The following ZNF43 variants were observed in gnomAD, a reference collection of about 807,000 sequenced individuals.
ZNF43 encodes the protein zinc finger protein 39-like 1 (KOX 27).
A neutral mutation model predicts 68.4 loss-of-function variants in ZNF43; 44 were observed. That is an observed-to-expected ratio of 0.64 (90% CI 0.51 to 0.83). ZNF43 has a LOEUF of 0.83. Among genes scored for constraint, ZNF43 ranks in the 40% least tolerant of loss-of-function variants. The probability of loss-of-function intolerance (pLI) is 0.00; values close to 1 mark genes in which losing one functional copy is unlikely to be tolerated. For synonymous variants in ZNF43, 308 were observed against 307.8 expected, an observed-to-expected ratio of 1.00 and a Z score of -0.01; for missense variants, 896 against 933.2, an observed-to-expected ratio of 0.96 and a Z score of 0.52.
intron 3 of ZNF43, among the ~76,000 whole-genome samples, chr19:21,810,264 G>T (rs2145169331): frequency 6.6e-6 from 1 of 152,316 alleles, no homozygotes; most frequent in Admixed American, 6.5e-5. Flanking sequence ...AGGGTCTCAG[G>T]AAGCTTACTG....
At chr19:21,827,255 T>A (rs1314267728) in intron 1 of ZNF43, 3 of 152,146 alleles carry the variant, frequency 2.0e-5, no homozygotes, top group African/African-American at 4.8e-5. Context: ...TTGGAATACA[T>A]CTCACAATTT....
chr19:21,811,007 C>T lies in ZNF43; in HGVS notation c.230-1200G>A, dbSNP rs1451747361. Among the ~76,000 whole-genome samples the T allele has an allele frequency of 4.6e-5, 7 of 152,132 alleles. No homozygotes were observed. In the East Asian group the frequency reaches 5.8e-4, roughly 13 times the overall value. ...GACCAAAATTATACACTGTGTTTTTCGACCAAAATTGCATAAAACTAGGAA... is the reference window on the plus strand; with the variant it reads ...GACCAAAATTATACACTGTGTTTTTTGACCAAAATTGCATAAAACTAGGAA... On this transcript the variant is annotated intron_variant, in intron 3 of 3. Coordinates refer to ENST00000354959, the MANE Select transcript of ZNF43 (RefSeq NM_003423.4).
At chr19:21,815,490 T>C (rs1202671298) in intron 3 of ZNF43, among the ~76,000 whole-genome samples, 1 of 146,298 alleles carries the variant, frequency 6.8e-6, no homozygotes, top group Non-Finnish European at 1.5e-5. Context: ...AAATTACATA[T>C]ATATATATAT....
intron 3 of ZNF43, among the ~76,000 whole-genome samples, chr19:21,814,370 C>CAT (rs2037419577): frequency 1.3e-5 from 2 of 150,548 alleles, no homozygotes; most frequent in South Asian, 4.2e-4. Context: ...CACACACACA[C>CAT]ATATATAATA....
chr19:21,824,632 ACCTGG>A (rs2038017951), intron 1 of ZNF43, among the ~76,000 whole-genome samples: 2 of 151,996 alleles, frequency 1.3e-5, no homozygotes, highest in Non-Finnish European at 2.9e-5. Flanking sequence ...TGTTGGATCA[ACCTGG>A]CTCTGCATTC....
rs1315828938 is a variant in ZNF43 at position 21,851,778 on chromosome 19, C to A, written c.30+127G>T. 1.7e-5 allele frequency: 17 copies of A among 1,023,454 alleles called. No homozygotes were observed. In the Admixed American group the frequency reaches 2.5e-4, roughly 15 times the overall value. 63.4% of individuals were successfully genotyped at this position (1,023,454 alleles called of 1,614,324 possible). On this transcript the variant is annotated intron_variant, in intron 1 of 3. Transcript: ENST00000357491. ...GGCTGCGGGCCCAGCCGCCATCTTG[C>A]GGCCAGAGGGGCCTGGGGCGGAGCT... is the stretch of plus-strand genomic sequence containing the variant.
chr19:21,824,299 T>C (rs557996931), intron 1 of ZNF43, among the ~76,000 whole-genome samples: 1 of 152,266 alleles, frequency 6.6e-6, no homozygotes, highest in South Asian at 2.1e-4. Context: ...AGTATCGTAT[T>C]TTATGGGTAG....
chr19:21,835,914 G>T, intron 1 of ZNF43, 122 bp downstream of exon 1: 1 of 1,530,590 alleles, frequency 6.5e-7, no homozygotes, highest in Non-Finnish European at 9.0e-7. Flanking sequence ...TATGGCTGAA[G>T]GGGATTGAGG....
intron 1 of ZNF43, among the ~76,000 whole-genome samples, chr19:21,834,308 A>C (rs920156728): frequency 6.7e-6 from 1 of 149,304 alleles, no homozygotes; most frequent in Non-Finnish European, 1.5e-5. Context: ...ACTGCACTCC[A>C]GACTGGGCAG....
intron 1 of ZNF43, among the ~76,000 whole-genome samples, chr19:21,845,029 C>T (rs552147531): frequency 6.8e-6 from 1 of 146,822 alleles, no homozygotes; most frequent in Admixed American, 6.9e-5. Flanking sequence ...AGATATGTCA[C>T]AATCTTTTTT....
intron 1 of ZNF43, among the ~76,000 whole-genome samples, chr19:21,819,677 G>A (rs2037704186): frequency 6.6e-6 from 1 of 152,138 alleles, no homozygotes; most frequent in Admixed American, 6.5e-5. Flanking sequence ...GAGTTTCTAA[G>A]TTTCTAACAA....
At chr19:21,829,729 G>A (rs903364453) in intron 1 of ZNF43, among the ~76,000 whole-genome samples, 2 of 152,114 alleles carry the variant, frequency 1.3e-5, no homozygotes, top group African/African-American at 4.8e-5. Flanking sequence ...TAAAGCCTCT[G>A]ATTTATATTT....
chr19:21,823,045 A>G (rs2037933123), intron 1 of ZNF43, among the ~76,000 whole-genome samples: 1 of 152,238 alleles, frequency 6.6e-6, no homozygotes, highest in Non-Finnish European at 1.5e-5. Context: ...AGGTAAGATG[A>G]ATAGAAACAG....
intron 3 of ZNF43, among the ~76,000 whole-genome samples, chr19:21,810,171 A>G (rs1196956230): frequency 2.0e-5 from 3 of 152,218 alleles, no homozygotes; most frequent in African/African-American, 7.2e-5. Context: ...CTGAGAGTGG[A>G]TAATTTATAA....
intron 1 of ZNF43, among the ~76,000 whole-genome samples, chr19:21,824,654 G>C (rs572170089): frequency 1.3e-5 from 2 of 148,862 alleles, no homozygotes; most frequent in Admixed American, 6.8e-5. Flanking sequence ...ATTCTTGGGT[G>C]TTAAAGCAAG....
chr19:21,852,043 A>C, exon 1 of ZNF43: 2 of 1,277,760 alleles, frequency 1.6e-6, no homozygotes, highest in Non-Finnish European at 2.1e-6. Flanking sequence ...GGCGGGTCCC[A>C]AGGTCTAGCG....
chr19:21,845,372 T>G (rs1456261594), intron 1 of ZNF43: 2 of 152,052 alleles, frequency 1.3e-5, no homozygotes, highest in Non-Finnish European at 2.9e-5. Flanking sequence ...AATGTCAGAC[T>G]CAGTAATATG....
At chr19:21,828,222 ATTGT>A (rs562006079) in intron 1 of ZNF43, among the ~76,000 whole-genome samples, 38 of 152,352 alleles carry the variant, frequency 2.5e-4, no homozygotes, top group African/African-American at 8.7e-4. Context: ...ATTCTAAAAA[ATTGT>A]TTGTAACCAT....
At chr19:21,821,903 A>G (rs1170875895) in intron 1 of ZNF43, among the ~76,000 whole-genome samples, 2 of 152,128 alleles carry the variant, frequency 1.3e-5, no homozygotes, top group Non-Finnish European at 2.9e-5. Context: ...GATCTGAGAC[A>G]TGTTTAGCTG....
Sources: allele counts gnomAD v4.1 joint callset (sites outside exome capture counted in the v4.1 genomes callset), GRCh38; gene constraint gnomAD v4.1.1; transcripts MANE v1.5; gene names NCBI Gene and HGNC (gene_info 2026-07-23, HGNC 2026-07-21).